The following ARHGEF1 variants were observed in gnomAD, a reference collection of about 807,000 sequenced individuals.
ARHGEF1 encodes the protein Rho guanine nucleotide exchange factor 1.
A neutral mutation model predicts 119.7 loss-of-function variants in ARHGEF1; 40 were observed. That is an observed-to-expected ratio of 0.33 (90% CI 0.26 to 0.44). The LOEUF (loss-of-function observed/expected upper bound fraction) is 0.44. Among genes scored for constraint, ARHGEF1 ranks in the 20% least tolerant of loss-of-function variants. The pLI, the probability that ARHGEF1 is intolerant of heterozygous loss-of-function variation, is 1.00. For synonymous variants in ARHGEF1, 494 were observed against 521.0 expected (o/e 0.95, Z 0.71); for missense variants, 976 against 1,268.3 (o/e 0.77, Z 3.50).
intron 4 of ARHGEF1, chr19:41,890,913 A>C (rs538732773): frequency 6.6e-6 from 1 of 152,230 alleles, no homozygotes; most frequent in South Asian, 2.1e-4. Flanking sequence ...ACAGAGCGAG[A>C]CTCCATCTCA....
chr19:41,887,716 AG>A (rs2074314928), intron 1 of ARHGEF1, among the ~76,000 whole-genome samples: 1 of 152,048 alleles, frequency 6.6e-6, no homozygotes, highest in Non-Finnish European at 1.5e-5. Context: ...CTCAGGAATT[AG>A]CCCCCAGGCC....
chr19:41,899,414 G>A (rs1321312156), intron 14 of ARHGEF1, among the ~76,000 whole-genome samples: 1 of 152,146 alleles, frequency 6.6e-6, no homozygotes, highest in Non-Finnish European at 1.5e-5. Flanking sequence ...CTTCTGCGTG[G>A]AGAGATGATG....
At chr19:41,924,270 T>C (rs993979899) in intron 1 of ARHGEF1, among the ~76,000 whole-genome samples, 1 of 151,924 alleles carries the variant, frequency 6.6e-6, no homozygotes, top group Non-Finnish European at 1.5e-5. Context: ...CCTGGATGGC[T>C]AGGAGGGCAG....
In ARHGEF1 at chr19:41,904,344, C is replaced by A; in HGVS notation, c.2122C>A (p.Leu708Met). The change falls in exon 22 of 29, where the codon CTG becomes ATG. Residue 708 changes from leucine (L) to methionine (M), a missense_variant. Leu to Met is a conservative substitution (Grantham distance 15). Around this residue, in one of 3 missense-constraint regions of ARHGEF1, gnomAD observed 286 missense variants for 506.8 expected, o/e 0.56. Transcript: ENST00000354532. This position sits in a 1 kb window ranked among gnomAD's most constrained non-coding sequence, Gnocchi z 8.4. ...TGGCAAGACCATGCTGCGGCCCGTG[C>A]TGCGGCTCACCTCCGCCATGACCCG... Reference protein sequence around the residue: ...PDGKTMLRPVLRLTSAMTREV... With the variant: ...PDGKTMLRPVMRLTSAMTREV... 2 of 1,597,734 alleles carry A rather than the reference C, an allele frequency of 1.3e-6. No homozygotes were observed. The highest frequency in any genetic ancestry group is 8.5e-7 in the Non-Finnish European group (1 of 1,174,556).
At chr19:41,901,258 T>C (rs1555848971) in intron 14 of ARHGEF1, among the ~76,000 whole-genome samples, 1 of 152,076 alleles carries the variant, frequency 6.6e-6, no homozygotes, top group African/African-American at 2.4e-5. Flanking sequence ...CAAGAGATTC[T>C]CCTGCCTCAG....
downstream of ARHGEF1, among the ~76,000 whole-genome samples, chr19:41,911,347 T>C (rs1336417403): frequency 2.0e-5 from 3 of 152,094 alleles, no homozygotes; most frequent in South Asian, 4.2e-4. Flanking sequence ...GGCATGAAAA[T>C]AGAAGGCAGA....
chr19:41,884,457 C>T (rs781977088), intron 1 of ARHGEF1: 1 of 1,606,550 alleles, frequency 6.2e-7, no homozygotes, highest in Non-Finnish European at 8.5e-7. Flanking sequence ...GCTTCGGTTC[C>T]GGTGGCGGCG....
chr19:41,915,728 G>A (rs372667637), intron 18 of ARHGEF1, among the ~76,000 whole-genome samples: 9 of 151,916 alleles, frequency 5.9e-5, no homozygotes, highest in Admixed American at 2.0e-4. Context: ...TTTCTGTCCC[G>A]GTGTCCGTCT....
Position 41,906,655 on chromosome 19 carries a change from G to A in ARHGEF1, c.2655+35G>A. The A allele has an allele frequency of 1.2e-6, 2 of 1,600,104 alleles. No homozygotes were observed. Among genetic ancestry groups the A allele is most frequent in the Non-Finnish European group, 1.7e-6 (2 of 1,175,414 alleles). On this transcript the variant is annotated intron_variant, in intron 27 of 28. Coordinates refer to ENST00000354532, the MANE Select transcript of ARHGEF1 (RefSeq NM_004706.4). The surrounding 1 kb of genome is among the most constrained non-coding windows in gnomAD (Gnocchi z 4.5). ...GACGGGCCAGGGGTGCCCTGAGTGG[G>A]CTGGGGAAGGAAGGGGCCCCCCTCA...
Position 41,906,530 on chromosome 19 carries a change from G to C in ARHGEF1, c.2565G>C (p.Gly855=). 4 of 1,581,754 alleles carry C rather than the reference G, an allele frequency of 2.5e-6. No individual in the cohort carries two copies. The highest frequency in any genetic ancestry group is 3.4e-6 in the Non-Finnish European group (4 of 1,171,880). Residue 855 remains glycine (G), a synonymous_variant, in exon 27 of 29, where the codon GGG becomes GGC. Transcript: ENST00000354532. The surrounding 1 kb of genome is among the most constrained non-coding windows in gnomAD (Gnocchi z 4.5). ...CGGGGCCTCCTCGAGATGGGGATGG[G>C]GTCCCAGGGGGCGGCCCCCTGAGCC... ...NGAGPPRDGD[G]VPGGGPLSPA...
chr19:41,883,881 G>A lies in ARHGEF1; in HGVS notation c.-20+592G>A, dbSNP rs1207847445. On this transcript the variant is annotated intron_variant, in intron 1 of 28. Coordinates refer to ENST00000354532, the MANE Select transcript of ARHGEF1 (RefSeq NM_004706.4). This position sits in a 1 kb window ranked among gnomAD's most constrained non-coding sequence, Gnocchi z 7.6. ...AGCTGGAGGCCTTCTCCCATTGTAC[G>A]GATGGGAAGACTGAGGTCTACAGAG... 6.6e-6 allele frequency among the ~76,000 whole-genome samples: 1 copy of A among 152,178 alleles called. No individual in the cohort carries two copies. The highest frequency in any genetic ancestry group is 1.9e-4 in the East Asian group (1 of 5,192).
chr19:41,893,149 C>A, intron 7 of ARHGEF1, 125 bp from the exon 8 acceptor site: 2 of 1,336,696 alleles, frequency 1.5e-6, no homozygotes, highest in Admixed American at 2.0e-5. Context: ...ATCCCTTCCA[C>A]AGTGTCCCCT....
At position 41,901,946 on chromosome 19, in the gene ARHGEF1, T is replaced by A. The variant is rs1555849090; in HGVS notation, c.1327T>A (p.Phe443Ile). The stretch of plus-strand genomic sequence containing the variant: ...GCTGCGGGTGCTGCACGACCTCTTC[T>A]TCCAGCCCATGGCAGAATGCCTGTT... ...RMLRVLHDLF[F>I]QPMAECLFFP... is the part of the protein sequence containing the mutation. The change falls in exon 15 of 29, where the codon TTC becomes ATC. Residue 443 changes from phenylalanine (F) to isoleucine (I), a missense_variant. Transcript: ENST00000354532. The A allele has an allele frequency of 6.2e-7, 1 of 1,613,958 alleles. No individual in the cohort carries two copies. Among genetic ancestry groups the A allele is most frequent in the East Asian group, 2.2e-5 (1 of 44,876 alleles).
Position 41,905,628 on chromosome 19 carries a change from C to A in ARHGEF1, c.2337-132C>A. 1 of 894,080 alleles carries A rather than the reference C, an allele frequency of 1.1e-6. No homozygotes were observed. Among genetic ancestry groups the A allele is most frequent in the Non-Finnish European group, 1.7e-6 (1 of 585,714 alleles). 55.4% of individuals were successfully genotyped at this position (894,080 alleles called of 1,614,324 possible). A position where few individuals can be genotyped will look rare whatever the true frequency, so the allele number is the denominator to read the frequency against. On this transcript the variant is annotated intron_variant, in intron 24 of 28. Transcript: ENST00000354532. This position sits in a 1 kb window ranked among gnomAD's most constrained non-coding sequence, Gnocchi z 6.4. ...CCATTGTCTGGGCCTCTCTGTCTCC[C>A]TGTCTCCCGGCCTCGACCTCTGTCT... is the stretch of plus-strand genomic sequence containing the variant.
intron 1 of ARHGEF1, among the ~76,000 whole-genome samples, chr19:41,886,151 G>A (rs1004608797): frequency 6.6e-6 from 1 of 152,140 alleles, no homozygotes; most frequent in Non-Finnish European, 1.5e-5. Context: ...TTGTTAAATG[G>A]AGGTGAGAAT....
Position 41,892,993 on chromosome 19 carries a change from TG to T in ARHGEF1, c.614+146del. 2 of 1,279,196 alleles carry T rather than the reference TG, an allele frequency of 1.6e-6. No homozygotes were observed. Among genetic ancestry groups the T allele is most frequent in the Non-Finnish European group, 2.1e-6 (2 of 960,754 alleles). The allele number at this position is 1,279,196 out of a possible 1,614,324, so 79.2% of individuals were successfully genotyped here. ...TGGCACTGGGGGTCTTCCTCTACCC[TG>T]GTGTTTTAACTCACCTTGAATCCGA... On this transcript the variant is annotated intron_variant, in intron 7 of 28. Coordinates refer to ENST00000354532, the MANE Select transcript of ARHGEF1 (RefSeq NM_004706.4). This position sits in a 1 kb window ranked among gnomAD's most constrained non-coding sequence, Gnocchi z 6.3.
chr19:41,910,173 A>G (rs925275280), downstream of ARHGEF1: 2 of 1,395,404 alleles, frequency 1.4e-6, no homozygotes, highest in Non-Finnish European at 1.9e-6. The surrounding 1 kb of genome is among the most constrained non-coding windows in gnomAD (Gnocchi z 4.4). Flanking sequence ...GGACTCAGTA[A>G]CCTGGGAGGC....
At position 41,892,064 on chromosome 19, in the gene ARHGEF1, C is replaced by CCCAAGGAGG; in HGVS notation, c.271_279dup (p.Glu91_Lys93dup). ...TGCCGACATGCTGGGCTCACTGGGC[C>CCCAAGGAGG]CCAAGGAGGCCAAGAAGGCCTTCCT... is the stretch of plus-strand genomic sequence containing the variant. On this transcript the variant is annotated inframe_insertion, in exon 5 of 29. Coordinates refer to ENST00000354532, the MANE Select transcript of ARHGEF1 (RefSeq NM_004706.4). This position sits in a 1 kb window ranked among gnomAD's most constrained non-coding sequence, Gnocchi z 6.3. 6.2e-7 allele frequency: 1 copy of CCCAAGGAGG among 1,613,106 alleles called. No individual in the cohort carries two copies.
In ARHGEF1 at chr19:41,904,974, T is replaced by C; in HGVS notation, c.2187T>C (p.Phe729=). ...ATCACAAAGCCTTCTACGTCCTTTT[T>C]ACCTGGGACCAGGAGGCCCAGATAT... ...ATDHKAFYVL[F]TWDQEAQIYE... is the part of the protein sequence containing the mutation. Residue 729 remains phenylalanine (F), a synonymous_variant, in exon 23 of 29, where the codon TTT becomes TTC. Coordinates refer to ENST00000354532, the MANE Select transcript of ARHGEF1 (RefSeq NM_004706.4). The surrounding 1 kb of genome is among the most constrained non-coding windows in gnomAD (Gnocchi z 8.4). The C allele has an allele frequency of 6.2e-7, 1 of 1,614,136 alleles. No individual in the cohort carries two copies. Among genetic ancestry groups the C allele is most frequent in the Middle Eastern group, 1.6e-4 (1 of 6,062 alleles).
Sources: allele counts gnomAD v4.1 joint callset (sites outside exome capture counted in the v4.1 genomes callset), GRCh38; gene constraint gnomAD v4.1.1; regional missense constraint gnomAD v4.1.1; non-coding constraint Gnocchi (gnomAD v3.1); transcripts MANE v1.5; gene names NCBI Gene and HGNC (gene_info 2026-07-23, HGNC 2026-07-21).